Variants in RUNX2 observed in about 807,000 individuals in gnomAD.
RUNX2 encodes the protein RUNX family transcription factor 2.
RUNX2 carries 10 observed loss-of-function variants against 51.7 expected under a neutral mutation model. That is an observed-to-expected ratio of 0.19 (90% CI 0.12 to 0.33). The LOEUF is 0.33. Among genes scored for constraint, RUNX2 ranks in the 10% least tolerant of loss-of-function variants. The probability of loss-of-function intolerance (pLI) is 1.00; values close to 1 mark genes in which losing one functional copy is unlikely to be tolerated. For missense variants in RUNX2, 562 were observed against 691.3 expected (o/e 0.81, Z 2.10); for synonymous variants, 276 against 273.6 (o/e 1.01, Z -0.09).
At chr6:45,372,421 T>C (rs1175912786) in intron 2 of RUNX2, among the ~76,000 whole-genome samples, 3 of 152,214 alleles carry the variant, frequency 2.0e-5, no homozygotes, top group Non-Finnish European at 2.9e-5. Context: ...TCTCAAAGAA[T>C]GTTATGACTA....
intron 2 of RUNX2, among the ~76,000 whole-genome samples, chr6:45,330,039 G>A (rs536596109): frequency 1.3e-5 from 2 of 151,674 alleles, no homozygotes; most frequent in African/African-American, 2.4e-5. Context: ...CTCAGTTTAG[G>A]TCAAACAGAA....
At chr6:45,496,140 G>T (rs1800639003) in intron 6 of RUNX2, among the ~76,000 whole-genome samples, 1 of 152,104 alleles carries the variant, frequency 6.6e-6, no homozygotes, top group South Asian at 2.1e-4. Context: ...GATAGCAATA[G>T]AGTAAGGATA....
At chr6:45,411,728 C>T (rs1234753133) in intron 2 of RUNX2, among the ~76,000 whole-genome samples, 2 of 152,100 alleles carry the variant, frequency 1.3e-5, no homozygotes, top group Admixed American at 6.6e-5. Flanking sequence ...TAAGTTATAA[C>T]ACTTCAACCA....
intron 5 of RUNX2, among the ~76,000 whole-genome samples, chr6:45,489,361 A>G (rs1232828404): frequency 6.6e-6 from 1 of 152,176 alleles, no homozygotes; most frequent in African/African-American, 2.4e-5. Flanking sequence ...GCAAACTCTT[A>G]TTACTCCTGA....
chr6:45,408,810 C>T (rs571650357), intron 2 of RUNX2, among the ~76,000 whole-genome samples: 163 of 152,258 alleles, frequency 1.1e-3, no homozygotes, highest in African/African-American at 3.5e-3. Flanking sequence ...AACACACTGG[C>T]TTTAGTTTAG....
intron 5 of RUNX2, among the ~76,000 whole-genome samples, chr6:45,445,332 T>G (rs941612843): frequency 6.6e-6 from 1 of 152,158 alleles, no homozygotes; most frequent in African/African-American, 2.4e-5. Context: ...CCCAGGAAGA[T>G]GCTTATTTAG....
intron 2 of RUNX2, among the ~76,000 whole-genome samples, chr6:45,337,157 T>C (rs1329418392): frequency 6.6e-6 from 1 of 151,748 alleles, no homozygotes; most frequent in African/African-American, 2.4e-5. Flanking sequence ...GAACTGCCCA[T>C]ATGAACAGAA....
chr6:45,478,686 G>A (rs1224332093), intron 5 of RUNX2, among the ~76,000 whole-genome samples: 2 of 152,110 alleles, frequency 1.3e-5, no homozygotes, highest in East Asian at 1.9e-4. Context: ...CATAGTGACA[G>A]GTGAGGAATC....
chr6:45,476,824 T>C (rs539677304), intron 5 of RUNX2, among the ~76,000 whole-genome samples: 157 of 152,338 alleles, frequency 1.0e-3, no homozygotes, highest in Non-Finnish European at 1.8e-3. Flanking sequence ...CCCTTCTAAA[T>C]CTATCTTTCC....
Position 45,508,018 on chromosome 6 carries a change from T to G in RUNX2, c.860-4228T>G, listed in dbSNP as rs144405802. On this transcript the variant is annotated intron_variant, in intron 6 of 8. Coordinates refer to ENST00000647337, the MANE Select transcript of RUNX2 (RefSeq NM_001024630.4). ...TTTTATAGATGAGGAAACTTTAATC[T>G]TAGATACGTAATTTGTCCAATCACA... Among the ~76,000 whole-genome samples, 34 of 152,240 alleles carry G rather than the reference T, an allele frequency of 2.2e-4. No individual in the cohort carries two copies. In the East Asian group the frequency reaches 3.9e-3, roughly 17 times the overall value.
intron 2 of RUNX2, among the ~76,000 whole-genome samples, chr6:45,407,227 C>T (rs1455588296): frequency 6.6e-6 from 1 of 152,060 alleles, no homozygotes; most frequent in Admixed American, 6.5e-5. Flanking sequence ...CCTCAGCTTC[C>T]CAAGTAGCTG....
intron 2 of RUNX2, among the ~76,000 whole-genome samples, chr6:45,345,345 T>C (rs924168330): frequency 6.6e-6 from 1 of 152,172 alleles, no homozygotes; most frequent in African/African-American, 2.4e-5. Flanking sequence ...GGGACTTTAT[T>C]ATATGCATCT....
intron 5 of RUNX2, among the ~76,000 whole-genome samples, chr6:45,485,693 G>A (rs71546643): frequency 0.25 from 24,531 of 97,654 alleles, 3,321 homozygotes; most frequent in Non-Finnish European, 0.34. Context: ...GTGTGTGTGT[G>A]TGTGTATATA....
At chr6:45,379,269 G>C (rs1435767501) in intron 2 of RUNX2, among the ~76,000 whole-genome samples, 1 of 152,162 alleles carries the variant, frequency 6.6e-6, no homozygotes, top group African/African-American at 2.4e-5. Flanking sequence ...AGCAAAGTGT[G>C]CAGTATAAGG....
intron 2 of RUNX2, among the ~76,000 whole-genome samples, chr6:45,414,918 C>A (rs971173632): frequency 1.7e-4 from 26 of 151,996 alleles, no homozygotes; most frequent in Non-Finnish European, 4.4e-5. Flanking sequence ...GAAACACTGA[C>A]CAATTTTAGC....
intron 2 of RUNX2, among the ~76,000 whole-genome samples, chr6:45,413,426 ATT>A (rs1797995884): frequency 7.6e-6 from 1 of 131,244 alleles, no homozygotes; most frequent in Admixed American, 8.4e-5. Flanking sequence ...TAAAAGATAC[ATT>A]CTTTTTTTTT....
chr6:45,482,301 A>C (rs1045661914), intron 5 of RUNX2, among the ~76,000 whole-genome samples: 1 of 152,164 alleles, frequency 6.6e-6, no homozygotes, highest in African/African-American at 2.4e-5. Flanking sequence ...AAGGGATTAT[A>C]CTGTAAGCAC....
intron 2 of RUNX2, among the ~76,000 whole-genome samples, chr6:45,385,264 G>T (rs1034164836): frequency 6.6e-6 from 1 of 152,176 alleles, no homozygotes; most frequent in Non-Finnish European, 1.5e-5. Context: ...TAACCTCTCG[G>T]TTAGGATTGG....
At chr6:45,398,476 A>C (rs187929267) in intron 2 of RUNX2, among the ~76,000 whole-genome samples, 2 of 152,324 alleles carry the variant, frequency 1.3e-5, no homozygotes, top group African/African-American at 4.8e-5. Context: ...TATATATAAC[A>C]TTACAAATGT....
Sources: gnomAD v4.1 joint callset for allele counts (sites outside exome capture counted in the v4.1 genomes callset) on GRCh38, gnomAD v4.1.1 for gene constraint, MANE v1.5 for transcripts, NCBI Gene and HGNC (gene_info 2026-07-23, HGNC 2026-07-21) for gene names.